THSD7A: variants seen among roughly 807,000 people sequenced by gnomAD.
The protein encoded by THSD7A is thrombospondin type 1 domain containing 7A.
THSD7A carries 96 observed loss-of-function variants against 231.3 expected under a neutral mutation model. The observed-to-expected ratio is 0.41, with a 90% CI of 0.35 to 0.49. THSD7A has a LOEUF of 0.49. Among genes scored for constraint, THSD7A ranks in the 20% least tolerant of loss-of-function variants. The probability of loss-of-function intolerance (pLI) is 0.05; values close to 1 mark genes in which losing one functional copy is unlikely to be tolerated. For synonymous variants in THSD7A, 940 were observed against 743.3 expected, an observed-to-expected ratio of 1.26 and a Z score of -4.30; for missense variants, 2,290 against 2,070.2, an observed-to-expected ratio of 1.11 and a Z score of -2.06.
intron 1 of THSD7A, among the ~76,000 whole-genome samples, chr7:11,768,645 C>T (rs1409973356): frequency 6.6e-6 from 1 of 152,100 alleles, no homozygotes; most frequent in Non-Finnish European, 1.5e-5. Flanking sequence ...ACAGTGAGTT[C>T]ACAGTTTCAT....
chr7:11,829,961 C>T (rs1041579924), intron 1 of THSD7A, among the ~76,000 whole-genome samples: 3 of 152,082 alleles, frequency 2.0e-5, no homozygotes, highest in African/African-American at 7.2e-5. Flanking sequence ...CAATCACTTT[C>T]TCATAACTCA....
chr7:11,406,848 C>G lies in THSD7A; in HGVS notation c.4062+62G>C. The G allele has an allele frequency of 6.4e-7, 1 of 1,553,168 alleles. No homozygotes were observed. Among genetic ancestry groups the G allele is most frequent in the Non-Finnish European group, 8.7e-7 (1 of 1,144,910 alleles). On this transcript the variant is annotated intron_variant, in intron 21 of 27. Coordinates refer to ENST00000423059, the MANE Select transcript of THSD7A (RefSeq NM_015204.3). The surrounding 1 kb of genome is among the most constrained non-coding windows in gnomAD (Gnocchi z 4.7). ...TCTAACACATTATTTTTATGTTTTTCTGCAGATGAAGTCTCTGCAGATAGA... is the reference window on the plus strand; with the variant it reads ...TCTAACACATTATTTTTATGTTTTTGTGCAGATGAAGTCTCTGCAGATAGA...
intron 6 of THSD7A, among the ~76,000 whole-genome samples, chr7:11,514,176 A>G (rs992805498): frequency 1.3e-5 from 2 of 149,986 alleles, no homozygotes; most frequent in African/African-American, 4.9e-5. Flanking sequence ...AAAATAATAC[A>G]CTCCCATCTC....
chr7:11,447,909 TG>T (rs1179739634), intron 11 of THSD7A, among the ~76,000 whole-genome samples: 3 of 152,138 alleles, frequency 2.0e-5, no homozygotes, highest in Non-Finnish European at 4.4e-5. Flanking sequence ...GAAAGCTGGT[TG>T]GTAGGTTGGA....
At chr7:11,403,987 A>G (rs1783497881) in intron 22 of THSD7A, among the ~76,000 whole-genome samples, 1 of 152,208 alleles carries the variant, frequency 6.6e-6, no homozygotes, top group Non-Finnish European at 1.5e-5. Context: ...GAAAACTAGC[A>G]AGAGAGGAAC....
At chr7:11,762,402 T>C (rs535991491) in intron 1 of THSD7A, among the ~76,000 whole-genome samples, 19 of 152,252 alleles carry the variant, frequency 1.2e-4, no homozygotes, top group African/African-American at 4.3e-4. Flanking sequence ...CTATGATTTA[T>C]TATTTTTGAC....
intron 17 of THSD7A, among the ~76,000 whole-genome samples, chr7:11,413,031 A>G (rs1783837290): frequency 6.6e-6 from 1 of 152,092 alleles, no homozygotes; most frequent in Admixed American, 6.6e-5. Flanking sequence ...TAATACACAC[A>G]TCACCTCACA....
intron 2 of THSD7A, among the ~76,000 whole-genome samples, chr7:11,594,983 G>T: frequency 6.6e-6 from 1 of 152,182 alleles, no homozygotes; most frequent in East Asian, 1.9e-4. Context: ...AAACTCTGAT[G>T]AATCTTTTTT....
chr7:11,482,908 C>A (rs144769116), intron 6 of THSD7A, among the ~76,000 whole-genome samples: 6 of 152,128 alleles, frequency 3.9e-5, no homozygotes, highest in Admixed American at 3.3e-4. Flanking sequence ...AAACAACCAA[C>A]AGAATAACCA....
intron 1 of THSD7A, among the ~76,000 whole-genome samples, chr7:11,783,192 T>C (rs1209983191): frequency 6.6e-6 from 1 of 152,130 alleles, no homozygotes; most frequent in Non-Finnish European, 1.5e-5. Flanking sequence ...AAGTTACAAA[T>C]ATCACAAGTG....
chr7:11,388,625 T>C (rs1782859224), intron 23 of THSD7A, among the ~76,000 whole-genome samples: 1 of 152,214 alleles, frequency 6.6e-6, no homozygotes, highest in Admixed American at 6.5e-5. Context: ...ATTTTGTTGA[T>C]CTTTTCAAAA....
intron 6 of THSD7A, among the ~76,000 whole-genome samples, chr7:11,497,276 T>C (rs1226809935): frequency 2.6e-5 from 4 of 152,144 alleles, no homozygotes; most frequent in African/African-American, 9.7e-5. Context: ...CCTTTCACAA[T>C]GTGTGGGGAT....
intron 1 of THSD7A, among the ~76,000 whole-genome samples, chr7:11,713,877 TGGTGATAATAAGCAATA>T (rs1372411062): frequency 6.6e-6 from 1 of 151,212 alleles, no homozygotes; most frequent in African/African-American, 2.4e-5. Context: ...TTTTTTCAAT[TGGTGATAATAAGCAATA>T]GGTGATAATA....
intron 27 of THSD7A, 85 bp downstream of exon 27, chr7:11,376,485 T>C (rs954043105): frequency 7.4e-5 from 76 of 1,028,810 alleles, no homozygotes; most frequent in Non-Finnish European, 1.0e-4. Context: ...CAGATAAATG[T>C]AGAGTACTTA....
chr7:11,594,538 G>T (rs528191636), intron 2 of THSD7A, among the ~76,000 whole-genome samples: 2 of 152,030 alleles, frequency 1.3e-5, no homozygotes, highest in Admixed American at 1.3e-4. Context: ...TGCATTTGAC[G>T]CTCCTGATTC....
At chr7:11,553,282 A>G (rs1310602365) in intron 4 of THSD7A, among the ~76,000 whole-genome samples, 1 of 152,124 alleles carries the variant, frequency 6.6e-6, no homozygotes, top group East Asian at 1.9e-4. Context: ...CCTGCTATGT[A>G]TAATTCTATT....
chr7:11,461,049 A>G (rs1172165520), intron 10 of THSD7A, among the ~76,000 whole-genome samples: 2 of 152,142 alleles, frequency 1.3e-5, no homozygotes, highest in Admixed American at 1.3e-4. Context: ...ACTGCCAACA[A>G]ATGCACCAGA....
In THSD7A at chr7:11,406,868, G is replaced by T; in HGVS notation, c.4062+42C>A. The T allele has an allele frequency of 6.2e-7, 1 of 1,606,756 alleles. No individual in the cohort carries two copies. ...TTTTTCTGCAGATGAAGTCTCTGCA[G>T]ATAGAGTACACACTTCCTGACAACT... is the stretch of plus-strand genomic sequence containing the variant. On this transcript the variant is annotated intron_variant, in intron 21 of 27. Transcript: ENST00000423059. The surrounding 1 kb of genome is among the most constrained non-coding windows in gnomAD (Gnocchi z 4.7).
chr7:11,577,818 C>T (rs13229007), intron 4 of THSD7A, among the ~76,000 whole-genome samples: 26,800 of 151,564 alleles, frequency 0.18, 2,458 homozygotes, highest in East Asian at 0.23. Flanking sequence ...CCTAACAATC[C>T]GAGGGTTACT....
Sources: gnomAD v4.1 joint callset for allele counts (sites outside exome capture counted in the v4.1 genomes callset) on GRCh38, gnomAD v4.1.1 for gene constraint, Gnocchi (gnomAD v3.1) non-coding constraint, MANE v1.5 for transcripts, NCBI Gene and HGNC (gene_info 2026-07-23, HGNC 2026-07-21) for gene names.